The following UBE2H variants were observed in gnomAD, a reference collection of about 807,000 sequenced individuals.
UBE2H encodes the protein ubiquitin conjugating enzyme E2 H.
In UBE2H, 3 loss-of-function variants were observed where a neutral mutation model predicts 29.0. The ratio of observed to expected loss-of-function variants is 0.10; its 90% CI spans 0.05 to 0.27. The LOEUF is 0.27. Ranked by LOEUF, UBE2H falls within the 10% of genes least tolerant of loss-of-function variation. The pLI is 1.00. For synonymous variants in UBE2H, 69 were observed against 82.9 expected, an observed-to-expected ratio of 0.83 and a Z score of 0.91; for missense variants, 68 against 228.2, an observed-to-expected ratio of 0.30 and a Z score of 4.52.
chr7:129,865,977 A>G (rs1486949970), intron 3 of UBE2H, among the ~76,000 whole-genome samples: 1 of 152,178 alleles, frequency 6.6e-6, no homozygotes, highest in Admixed American at 6.6e-5. Flanking sequence ...CACTAGTGAC[A>G]GACATTGGCC....
intron 3 of UBE2H, among the ~76,000 whole-genome samples, chr7:129,871,214 A>C (rs919098536): frequency 6.6e-6 from 1 of 152,214 alleles, no homozygotes; most frequent in Non-Finnish European, 1.5e-5. Flanking sequence ...GTATCCAATA[A>C]CTTTGTGAAA....
chr7:129,841,503 C>T (rs777657734), intron 5 of UBE2H, among the ~76,000 whole-genome samples: 9 of 152,118 alleles, frequency 5.9e-5, no homozygotes, highest in Non-Finnish European at 1.2e-4. Context: ...CAAAATATGG[C>T]CAGTGTGAAT....
At chr7:129,882,053 G>A (rs1806266993) in intron 1 of UBE2H, among the ~76,000 whole-genome samples, 1 of 152,154 alleles carries the variant, frequency 6.6e-6, no homozygotes, top group Non-Finnish European at 1.5e-5. Flanking sequence ...ATGCTCCAGG[G>A]CTCTAATCAC....
At chr7:129,845,065 G>C (rs1420587564) in intron 5 of UBE2H, among the ~76,000 whole-genome samples, 1 of 152,208 alleles carries the variant, frequency 6.6e-6, no homozygotes, top group African/African-American at 2.4e-5. Context: ...GGGAGGCAGA[G>C]GTTGTAGTGA....
At chr7:129,882,821 T>C (rs2116377033) in intron 1 of UBE2H, among the ~76,000 whole-genome samples, 2 of 152,292 alleles carry the variant, frequency 1.3e-5, no homozygotes, top group Middle Eastern at 3.4e-3. Flanking sequence ...AAAAGCATCC[T>C]TGTGTCACGT....
intron 1 of UBE2H, among the ~76,000 whole-genome samples, chr7:129,915,355 T>C (rs762228507): frequency 4.6e-5 from 7 of 151,956 alleles, no homozygotes; most frequent in Non-Finnish European, 1.0e-4. Flanking sequence ...GCTAACACAG[T>C]GGAACCCCGT....
At chr7:129,884,603 T>C (rs1806322328) in intron 1 of UBE2H, among the ~76,000 whole-genome samples, 1 of 151,410 alleles carries the variant, frequency 6.6e-6, no homozygotes, top group Non-Finnish European at 1.5e-5. Context: ...TTTTTTTTTT[T>C]TTTTTTTGAG....
intron 3 of UBE2H, among the ~76,000 whole-genome samples, chr7:129,865,762 T>C (rs1209247284): frequency 2.0e-5 from 3 of 152,258 alleles, no homozygotes; most frequent in Admixed American, 1.3e-4. Flanking sequence ...AGTAGACTGT[T>C]CACAACCAAA....
At chr7:129,909,537 A>G (rs1806887150) in intron 1 of UBE2H, among the ~76,000 whole-genome samples, 1 of 152,104 alleles carries the variant, frequency 6.6e-6, no homozygotes, top group African/African-American at 2.4e-5. Context: ...TTGCCCTGGA[A>G]GAGTAGAAAT....
chr7:129,928,025 T>TAAAAA (rs71175049), intron 1 of UBE2H, among the ~76,000 whole-genome samples: 1 of 128,516 alleles, frequency 7.8e-6, no homozygotes, highest in African/African-American at 3.0e-5. Context: ...ATCTCAAAAT[T>TAAAAA]AAAAAAAAAA....
At chr7:129,945,116 G>T (rs1292892730) in intron 1 of UBE2H, among the ~76,000 whole-genome samples, 1 of 152,130 alleles carries the variant, frequency 6.6e-6, no homozygotes, top group Non-Finnish European at 1.5e-5. Context: ...TGGAAGGGAG[G>T]GAGGGAAAGA....
intron 3 of UBE2H, among the ~76,000 whole-genome samples, chr7:129,871,912 T>A (rs1421662597): frequency 6.6e-6 from 1 of 152,000 alleles, no homozygotes; most frequent in Non-Finnish European, 1.5e-5. Flanking sequence ...AGCAGCGCCA[T>A]CTCAGCTCAC....
At chr7:129,911,184 G>A (rs1257841475) in intron 1 of UBE2H, among the ~76,000 whole-genome samples, 2 of 151,990 alleles carry the variant, frequency 1.3e-5, no homozygotes, top group Admixed American at 6.6e-5. Flanking sequence ...CTAACACGGT[G>A]GAACCCTGTC....
intron 3 of UBE2H, among the ~76,000 whole-genome samples, chr7:129,866,480 A>T (rs1296754657): frequency 6.6e-6 from 1 of 152,178 alleles, no homozygotes; most frequent in Non-Finnish European, 1.5e-5. Flanking sequence ...GGTCGTTCAT[A>T]TAACCACACT....
At chr7:129,846,489 G>A (rs528583284) in intron 5 of UBE2H, among the ~76,000 whole-genome samples, 1 of 152,144 alleles carries the variant, frequency 6.6e-6, no homozygotes, top group African/African-American at 2.4e-5. Flanking sequence ...GCAGGTGGAT[G>A]GGTCGAGGCT....
At position 129,872,845 on chromosome 7, in the gene UBE2H, C is replaced by CAAAAAAAAAAA. The variant is rs34001143; in HGVS notation, c.205+6712_205+6722dup. On this transcript the variant is annotated intron_variant, in intron 3 of 6. Coordinates refer to ENST00000355621, the MANE Select transcript of UBE2H (RefSeq NM_003344.4). ...TAGGTGACAGAGCAACACTCCGTCT[C>CAAAAAAAAAAA]AAAAAAAAAAAAAAAAAAAAAAAAA... 5.4e-4 allele frequency among the ~76,000 whole-genome samples: 39 copies of CAAAAAAAAAAA among 72,002 alleles called. 1 individual carries two copies. Among genetic ancestry groups the CAAAAAAAAAAA allele is most frequent in the South Asian group, 2.5e-3 (3 of 1,212 alleles). The allele number at this position is 72,002 out of a possible 152,430, so 47.2% of individuals were successfully genotyped here.
intron 1 of UBE2H, among the ~76,000 whole-genome samples, chr7:129,927,884 C>A (rs1807303617): frequency 6.6e-6 from 1 of 151,904 alleles, no homozygotes; most frequent in South Asian, 2.1e-4. Flanking sequence ...AGTGTGCATT[C>A]GAAGGTGACC....
chr7:129,835,509 A>C (rs1805306910), intron 6 of UBE2H, among the ~76,000 whole-genome samples: 2 of 152,166 alleles, frequency 1.3e-5, no homozygotes, highest in Admixed American at 6.5e-5. Flanking sequence ...TTATTTTAGG[A>C]ATCGATTTTA....
chr7:129,846,230 G>A (rs1348318204), intron 5 of UBE2H, among the ~76,000 whole-genome samples: 4 of 152,038 alleles, frequency 2.6e-5, no homozygotes, highest in African/African-American at 9.7e-5. Context: ...ATTTCAAGCT[G>A]GGCAAGGTGG....
Sources: gnomAD v4.1 joint callset for allele counts (sites outside exome capture counted in the v4.1 genomes callset) on GRCh38, gnomAD v4.1.1 for gene constraint, MANE v1.5 for transcripts, NCBI Gene and HGNC (gene_info 2026-07-23, HGNC 2026-07-21) for gene names.